The following SLC2A9 variants were observed in gnomAD, a reference collection of about 807,000 sequenced individuals.
SLC2A9 encodes solute carrier family 2 member 9, also known as solute carrier family 2, facilitated glucose transporter member 9.
SLC2A9 carries 39 observed loss-of-function variants against 50.6 expected under a neutral mutation model. That is an observed-to-expected ratio of 0.77 (90% CI 0.60 to 1.01). The LOEUF (loss-of-function observed/expected upper bound fraction) is 1.01. Ranked by LOEUF, SLC2A9 falls within the 50% of genes least tolerant of loss-of-function variation. The pLI, the probability that SLC2A9 is intolerant of heterozygous loss-of-function variation, is 0.00. For missense variants in SLC2A9, 686 were observed against 677.6 expected (o/e 1.01, Z -0.14); for synonymous variants, 324 against 276.9 (o/e 1.17, Z -1.69).
intron 5 of SLC2A9, among the ~76,000 whole-genome samples, chr4:9,967,619 G>T (rs531489289): frequency 6.6e-6 from 1 of 151,650 alleles, no homozygotes; most frequent in Non-Finnish European, 1.5e-5. Context: ...TAAAAGTTGT[G>T]TCAAAATATG....
intron 10 of SLC2A9, among the ~76,000 whole-genome samples, chr4:9,863,851 C>G (rs1732029831): frequency 6.6e-6 from 1 of 152,070 alleles, no homozygotes; most frequent in Non-Finnish European, 1.5e-5. Flanking sequence ...GGAATGCCTC[C>G]AAGAAGTCGA....
intron 2 of SLC2A9, among the ~76,000 whole-genome samples, chr4:10,015,393 G>C (rs925379932): frequency 1.3e-5 from 2 of 152,208 alleles, no homozygotes; most frequent in Non-Finnish European, 2.9e-5. Flanking sequence ...TCCTGGCTGT[G>C]TGAACCTGGG....
chr4:9,805,224 A>G (rs1721963771), intron 3 of SLC2A9, among the ~76,000 whole-genome samples: 1 of 152,234 alleles, frequency 6.6e-6, no homozygotes, highest in Admixed American at 6.5e-5. Flanking sequence ...GCTTCACTCC[A>G]GAACCCAGGC....
chr4:9,802,687 T>A (rs1343507886), intron 3 of SLC2A9, among the ~76,000 whole-genome samples: 2 of 151,370 alleles, frequency 1.3e-5, no homozygotes, highest in Non-Finnish European at 2.9e-5. Context: ...GCCTCCCAAG[T>A]AGCTGAGATT....
At chr4:10,035,638 G>A (rs1169370846) in intron 1 of SLC2A9, 1 of 152,188 alleles carries the variant, frequency 6.6e-6, no homozygotes, top group African/African-American at 2.4e-5. Flanking sequence ...TGTCTGTGAC[G>A]GCGTTTCTGG....
At chr4:9,803,249 C>A (rs1208163995) in intron 3 of SLC2A9, among the ~76,000 whole-genome samples, 1 of 152,228 alleles carries the variant, frequency 6.6e-6, no homozygotes, top group African/African-American at 2.4e-5. Context: ...AATTCTTAAA[C>A]AGCCTGAACA....
chr4:9,992,184 T>C (rs1227998413), intron 3 of SLC2A9, among the ~76,000 whole-genome samples: 1 of 152,192 alleles, frequency 6.6e-6, no homozygotes, highest in African/African-American at 2.4e-5. Context: ...CCTGCCTGTC[T>C]CCACCTAACC....
At chr4:9,956,063 C>T (rs1751220888) in intron 5 of SLC2A9, among the ~76,000 whole-genome samples, 1 of 151,402 alleles carries the variant, frequency 6.6e-6, no homozygotes, top group African/African-American at 2.4e-5. Context: ...ATTTTTAGTA[C>T]AGATGGGGTT....
At chr4:9,905,645 C>T (rs1305302148) in intron 8 of SLC2A9, among the ~76,000 whole-genome samples, 9 of 152,216 alleles carry the variant, frequency 5.9e-5, no homozygotes, top group Admixed American at 1.3e-4. Flanking sequence ...GCCAGAGCAT[C>T]GGGATGAGAA....
chr4:9,829,375 T>C (rs1383156459), intron 11 of SLC2A9, among the ~76,000 whole-genome samples: 1 of 148,962 alleles, frequency 6.7e-6, no homozygotes, highest in Non-Finnish European at 1.5e-5. Flanking sequence ...CTTAAAGACT[T>C]AAATGTAAAA....
chr4:10,016,764 G>A (rs978012577), intron 2 of SLC2A9, among the ~76,000 whole-genome samples: 6 of 152,122 alleles, frequency 3.9e-5, no homozygotes, highest in African/African-American at 9.7e-5. Flanking sequence ...TCCTGAGGGT[G>A]TGTCATGGTT....
At position 9,980,600 on chromosome 4, in the gene SLC2A9, G is replaced by T; in HGVS notation, c.673C>A (p.Leu225Met). ...TGQLLGLPELLGKESTWPYLF... is the reference protein window; with the variant it reads ...TGQLLGLPELMGKESTWPYLF... ...CAGGGAGCCACACTCACCTTTCCCA[G>T]CAGCTCGGGCAGGCCCAGAAGCTGC... Residue 225 changes from leucine (L) to methionine (M), a missense_variant, in exon 5 of 12, where the codon CTG becomes ATG. Coordinates refer to ENST00000264784, the MANE Select transcript of SLC2A9 (RefSeq NM_020041.3). 7 of 1,614,176 alleles carry T rather than the reference G, an allele frequency of 4.3e-6. No homozygotes were observed. The highest frequency in any genetic ancestry group is 5.9e-6 in the Non-Finnish European group (7 of 1,180,024).
Position 10,021,491 on chromosome 4 carries a change from C to G in SLC2A9, c.-62G>C. The stretch of plus-strand genomic sequence containing the variant: ...ACCCCAGACTCTGCCAAGGCATTTC[C>G]GTGAGTGAGGAGGCAGAGTCCACTG... On this transcript the variant is annotated 5_prime_UTR_variant, in exon 1 of 12. Transcript: ENST00000264784. 2.5e-6 allele frequency: 4 copies of G among 1,610,046 alleles called. No individual in the cohort carries two copies. The highest frequency in any genetic ancestry group is 3.4e-6 in the Non-Finnish European group (4 of 1,178,382).
chr4:9,950,825 G>A (rs1418415623), intron 5 of SLC2A9, among the ~76,000 whole-genome samples: 1 of 44,558 alleles, frequency 2.2e-5, no homozygotes, highest in Non-Finnish European at 3.7e-5. Context: ...CCCGGGAGGC[G>A]GAGCTTGCAG....
At chr4:9,877,570 C>T (rs985932207) in intron 10 of SLC2A9, among the ~76,000 whole-genome samples, 1 of 152,204 alleles carries the variant, frequency 6.6e-6, no homozygotes, top group Non-Finnish European at 1.5e-5. Context: ...TTTCCCTCTC[C>T]TGCCTCCTGT....
At chr4:9,792,133 A>G (rs1268568777) in intron 3 of SLC2A9, among the ~76,000 whole-genome samples, 2 of 151,176 alleles carry the variant, frequency 1.3e-5, no homozygotes, top group African/African-American at 4.9e-5. Context: ...TCCAGGATAC[A>G]AACCAGGAGA....
chr4:9,890,643 G>A lies in SLC2A9; in HGVS notation c.1182C>T (p.Phe394=). The A allele has an allele frequency of 6.2e-7, 1 of 1,614,154 alleles. No individual in the cohort carries two copies. Among genetic ancestry groups the A allele is most frequent in the Non-Finnish European group, 8.5e-7 (1 of 1,180,024 alleles). The part of the protein sequence containing the change: ...LIGGFGLMGL[F]FGTLTITLTL... ...TCAGCGTGATGGTGAGGGTCCCAAA[G>A]AAGAGGCCCATGAGCCCAAAGCCAC... is the stretch of plus-strand genomic sequence containing the variant. The change falls in exon 9 of 12, where the codon TTC becomes TTT. Residue 394 remains phenylalanine, a synonymous_variant. Coordinates refer to ENST00000264784, the MANE Select transcript of SLC2A9 (RefSeq NM_020041.3).
chr4:9,821,956 T>C (rs987950633), downstream of SLC2A9, among the ~76,000 whole-genome samples: 3 of 152,248 alleles, frequency 2.0e-5, no homozygotes, highest in African/African-American at 7.2e-5. Context: ...TGAGTGACTT[T>C]TGATAGTGTC....
At chr4:9,946,842 A>G (rs965987415) in intron 5 of SLC2A9, among the ~76,000 whole-genome samples, 10 of 152,160 alleles carry the variant, frequency 6.6e-5, no homozygotes, top group African/African-American at 2.4e-4. Flanking sequence ...CTAGGGGCTC[A>G]TGTCTTTTCT....
Sources: gnomAD v4.1 joint callset for allele counts (sites outside exome capture counted in the v4.1 genomes callset) on GRCh38, gnomAD v4.1.1 for gene constraint, MANE v1.5 for transcripts, NCBI Gene and HGNC (gene_info 2026-07-23, HGNC 2026-07-21) for gene names.